Variants in OPCML observed in about 807,000 individuals in gnomAD.
OPCML encodes the protein opioid binding protein/cell adhesion molecule like.
OPCML carries 13 observed loss-of-function variants against 37.8 expected under a neutral mutation model. The observed-to-expected ratio is 0.34, with a 90% confidence interval of 0.22 to 0.55. OPCML has a LOEUF of 0.55. OPCML is among the 20% of genes least tolerant of loss of function. The pLI is 0.91. For missense variants in OPCML, 341 were observed against 435.6 expected, an observed-to-expected ratio of 0.78 and a Z score of 1.93; for synonymous variants, 176 against 168.8, an observed-to-expected ratio of 1.04 and a Z score of -0.33.
chr11:133,495,892 C>T (rs561194704), intron 1 of OPCML, among the ~76,000 whole-genome samples: 3 of 152,232 alleles, frequency 2.0e-5, no homozygotes, highest in South Asian at 4.2e-4. Context: ...CCTGCAAAAG[C>T]GCTTTTGTTT....
intron 2 of OPCML, chr11:132,771,803 C>T (rs1184193322): frequency 6.6e-6 from 1 of 152,252 alleles, no homozygotes; most frequent in Non-Finnish European, 1.5e-5. Flanking sequence ...AACCATCTCT[C>T]TTCAAGGTGA....
intron 2 of OPCML, among the ~76,000 whole-genome samples, chr11:132,857,402 A>T (rs988361386): frequency 6.6e-6 from 1 of 152,230 alleles, no homozygotes; most frequent in African/African-American, 2.4e-5. Flanking sequence ...AATGTAACAG[A>T]GGAAGAAAAT....
chr11:133,083,303 C>T (rs1455294687), intron 1 of OPCML, among the ~76,000 whole-genome samples: 1 of 152,170 alleles, frequency 6.6e-6, no homozygotes, highest in Non-Finnish European at 1.5e-5. Flanking sequence ...CCAGACCCGA[C>T]CCCTCTGAGC....
chr11:132,617,463 A>T lies in OPCML; in HGVS notation c.379+39624T>A, dbSNP rs561183724. ...GCAGAATGGAACTCAAACCTGGCCT[A>T]TGTCTAGTGTCCCTCTCCCAGTGAT... On this transcript the variant is annotated intron_variant, in intron 3 of 7. Transcript: ENST00000524381. Among the ~76,000 whole-genome samples, 30 of 152,312 alleles carry T rather than the reference A, an allele frequency of 2.0e-4. No individual in the cohort carries two copies. The South Asian group carries it at 6.0e-3, about 31-fold the overall frequency.
At chr11:132,674,483 A>G (rs753063159) in intron 2 of OPCML, among the ~76,000 whole-genome samples, 2 of 152,208 alleles carry the variant, frequency 1.3e-5, no homozygotes, top group South Asian at 4.1e-4. Flanking sequence ...TTTTAAGTGG[A>G]AAGTTCGACT....
intron 1 of OPCML, among the ~76,000 whole-genome samples, chr11:133,480,111 C>G (rs1042111167): frequency 6.6e-6 from 1 of 152,184 alleles, no homozygotes; most frequent in African/African-American, 2.4e-5. Context: ...CTTCTTAGAG[C>G]AGGCATCCCA....
intron 3 of OPCML, among the ~76,000 whole-genome samples, chr11:132,634,219 A>G (rs572075985): frequency 1.3e-5 from 2 of 152,250 alleles, no homozygotes; most frequent in South Asian, 4.1e-4. Context: ...AAATGAGTTT[A>G]TGGTATTCGA....
Position 132,477,488 on chromosome 11 carries a change from T to A in OPCML, c.506-40129A>T, listed in dbSNP as rs187214307. 2.4e-3 allele frequency among the ~76,000 whole-genome samples: 358 copies of A among 152,296 alleles called. 1 individual carries two copies. Among genetic ancestry groups the A allele is most frequent in the African/African-American group, 8.0e-3 (332 of 41,556 alleles). On this transcript the variant is annotated intron_variant, in intron 4 of 7. Coordinates refer to ENST00000524381, the MANE Select transcript of OPCML (RefSeq NM_001012393.5). ...ATGCTTCTTGGAGTGGGAAGCCTTCTGGGGCTAGGCATACCTTCTGTGTTG... is the reference window on the plus strand; with the variant it reads ...ATGCTTCTTGGAGTGGGAAGCCTTCAGGGGCTAGGCATACCTTCTGTGTTG...
At chr11:132,595,321 G>T (rs2096490835) in intron 3 of OPCML, among the ~76,000 whole-genome samples, 1 of 152,156 alleles carries the variant, frequency 6.6e-6, no homozygotes, top group Non-Finnish European at 1.5e-5. Flanking sequence ...TATTTCTACA[G>T]AAATGATAGT....
At chr11:132,510,284 T>C (rs183271340) in intron 4 of OPCML, among the ~76,000 whole-genome samples, 5 of 152,226 alleles carry the variant, frequency 3.3e-5, no homozygotes, top group Admixed American at 3.3e-4. Flanking sequence ...GGCTCATAGG[T>C]GGAAGGGACT....
At chr11:132,887,457 C>T (rs1253909616) in intron 2 of OPCML, among the ~76,000 whole-genome samples, 3 of 152,182 alleles carry the variant, frequency 2.0e-5, no homozygotes, top group African/African-American at 7.2e-5. Flanking sequence ...TGAATGCATA[C>T]CCAGTTTCCC....
intron 1 of OPCML, among the ~76,000 whole-genome samples, chr11:133,140,885 ACGAC>A (rs1949786988): frequency 3.1e-5 from 1 of 32,092 alleles, no homozygotes; most frequent in African/African-American, 5.5e-5. Flanking sequence ...GAAGACGACG[ACGAC>A]GACGAAGACG....
At chr11:133,321,578 T>C (rs375654297) in intron 1 of OPCML, among the ~76,000 whole-genome samples, 1 of 152,288 alleles carries the variant, frequency 6.6e-6, no homozygotes, top group Non-Finnish European at 1.5e-5. Context: ...TTTCACAGGA[T>C]GGGCCACTCT....
chr11:133,107,833 C>A (rs1054040795), intron 1 of OPCML, among the ~76,000 whole-genome samples: 1 of 152,160 alleles, frequency 6.6e-6, no homozygotes. Context: ...TTAATGTTTG[C>A]CTACTTGTCT....
intron 1 of OPCML, among the ~76,000 whole-genome samples, chr11:133,049,511 T>A (rs575047474): frequency 1.3e-5 from 2 of 152,298 alleles, no homozygotes; most frequent in South Asian, 4.1e-4. Flanking sequence ...TGAGGAAGAA[T>A]AATACCCATC....
intron 1 of OPCML, among the ~76,000 whole-genome samples, chr11:133,494,031 A>C (rs566959009): frequency 6.6e-6 from 1 of 151,918 alleles, no homozygotes; most frequent in African/African-American, 2.4e-5. Context: ...AAAACACACA[A>C]CCCCATCAAA....
chr11:133,118,028 G>T (rs1314479339), intron 1 of OPCML: 2 of 765,638 alleles, frequency 2.6e-6, no homozygotes, highest in South Asian at 6.0e-5. Context: ...GTCTACAGGG[G>T]TGTGAAGTTT....
intron 1 of OPCML, among the ~76,000 whole-genome samples, chr11:133,091,291 C>G (rs1304948670): frequency 6.6e-6 from 1 of 152,196 alleles, no homozygotes; most frequent in Non-Finnish European, 1.5e-5. Flanking sequence ...CCTCAGGGCC[C>G]AGGCAGAAAA....
At chr11:133,503,684 C>T (rs1462071831) in intron 1 of OPCML, among the ~76,000 whole-genome samples, 1 of 152,220 alleles carries the variant, frequency 6.6e-6, no homozygotes, top group South Asian at 2.1e-4. Context: ...TGGGATCTAT[C>T]CGGGTCAGGC....
Sources: gnomAD v4.1 joint callset for allele counts (sites outside exome capture counted in the v4.1 genomes callset) on GRCh38, gnomAD v4.1.1 for gene constraint, MANE v1.5 for transcripts, NCBI Gene and HGNC (gene_info 2026-07-23, HGNC 2026-07-21) for gene names.